TTC6: variants seen among roughly 807,000 people sequenced by gnomAD.
The protein encoded by TTC6 is tetratricopeptide repeat protein 6.
In TTC6, 172 loss-of-function variants were observed where a neutral mutation model predicts 210.4. The ratio of observed to expected loss-of-function variants is 0.82; its 90% CI spans 0.72 to 0.93. TTC6 has a LOEUF of 0.93. TTC6 is among the 40% of genes least tolerant of loss of function. The pLI, the probability that TTC6 is intolerant of heterozygous loss-of-function variation, is 0.00. For synonymous variants in TTC6, 804 were observed against 819.6 expected (o/e 0.98, Z 0.32); for missense variants, 2,414 against 2,318.1 (o/e 1.04, Z -0.85).
chr14:37,815,398 G>A (rs531430634), intron 25 of TTC6, among the ~76,000 whole-genome samples: 5 of 152,196 alleles, frequency 3.3e-5, no homozygotes, highest in African/African-American at 1.2e-4. Flanking sequence ...TCCGATCATG[G>A]GGCACTGGAT....
intron 14 of TTC6, among the ~76,000 whole-genome samples, chr14:37,777,062 T>C (rs890385889): frequency 1.3e-5 from 2 of 152,186 alleles, no homozygotes; most frequent in African/African-American, 4.8e-5. Context: ...GAGAATCTGA[T>C]GACTATGTGT....
exon 28 of TTC6, chr14:37,826,317 T>G: frequency 6.2e-7 from 1 of 1,609,612 alleles, no homozygotes; most frequent in Non-Finnish European, 8.5e-7. Context: ...ATAATTTTGC[T>G]GCAATGCAGG....
intron 1 of TTC6, 40 bp downstream of exon 3, chr14:37,623,043 CA>C: frequency 1.5e-6 from 2 of 1,376,270 alleles, no homozygotes; most frequent in Non-Finnish European, 1.9e-6. Flanking sequence ...TTCCCAAATG[CA>C]ATTTGGGTTA....
chr14:37,734,215 CAG>C (rs2095895386), intron 7 of TTC6, among the ~76,000 whole-genome samples: 1 of 152,126 alleles, frequency 6.6e-6, no homozygotes, highest in South Asian at 2.1e-4. Flanking sequence ...TGATAGAACC[CAG>C]ACTAAAAGTC....
chr14:37,722,534 G>T (rs1167798046), intron 6 of TTC6, among the ~76,000 whole-genome samples: 1 of 152,036 alleles, frequency 6.6e-6, no homozygotes, highest in East Asian at 1.9e-4. Flanking sequence ...TTTTTTGTAG[G>T]GTCTTACTAT....
intron 1 of TTC6, among the ~76,000 whole-genome samples, chr14:37,632,104 A>G (rs1430012431): frequency 1.3e-5 from 2 of 152,070 alleles, no homozygotes; most frequent in Non-Finnish European, 2.9e-5. Context: ...CACTTTCTGA[A>G]GCCTACTTCT....
intron 27 of TTC6, among the ~76,000 whole-genome samples, chr14:37,824,534 C>T (rs2096165812): frequency 6.6e-6 from 1 of 152,166 alleles, no homozygotes; most frequent in African/African-American, 2.4e-5. Flanking sequence ...AGAACGGAAA[C>T]TGCTCTAGGC....
chr14:37,831,664 C>T (rs539166476), intron 29 of TTC6, among the ~76,000 whole-genome samples: 1 of 151,518 alleles, frequency 6.6e-6, no homozygotes, highest in Non-Finnish European at 1.5e-5. Context: ...GAGATAATAC[C>T]TTATTGTGGT....
intron 2 of TTC6, among the ~76,000 whole-genome samples, chr14:37,608,311 T>C (rs1369056577): frequency 6.6e-6 from 1 of 152,102 alleles, no homozygotes; most frequent in East Asian, 1.9e-4. Context: ...TGTGTGTTTT[T>C]GTTGTTGTTG....
intron 7 of TTC6, among the ~76,000 whole-genome samples, chr14:37,734,975 T>A (rs1314218275): frequency 1.3e-5 from 2 of 152,186 alleles, no homozygotes; most frequent in Non-Finnish European, 2.9e-5. Context: ...TGTAAGCATA[T>A]GACAAAATGG....
rs73264929 is a variant in TTC6, at chr14:37,599,666, A to G, written c.-235+3658A>G. The stretch of plus-strand genomic sequence containing the variant: ...GGGCGACAAAACCGTCCCTCTGGCC[A>G]CGGGAGAGCATCGCCTTGCCAAAAT... On this transcript the variant is annotated intron_variant, in intron 1 of 2. Transcript: ENST00000556845. Among the ~76,000 whole-genome samples, 596 of 152,236 alleles carry G rather than the reference A, an allele frequency of 3.9e-3. 4 individuals are homozygous for G. Among genetic ancestry groups the G allele is most frequent in the African/African-American group, 0.013 (543 of 41,564 alleles).
intron 7 of TTC6, among the ~76,000 whole-genome samples, chr14:37,730,717 T>C (rs758464137): frequency 1.3e-5 from 2 of 152,234 alleles, no homozygotes; most frequent in Non-Finnish European, 2.9e-5. Context: ...GCCTCTTGCA[T>C]TCCAATTTGA....
At chr14:37,808,084 G>A (rs2096122399) in intron 23 of TTC6, among the ~76,000 whole-genome samples, 1 of 152,000 alleles carries the variant, frequency 6.6e-6, no homozygotes. Flanking sequence ...GAAGTTACTG[G>A]GTTAAAAGGT....
rs115907484 is a variant in TTC6 at position 37,780,415 on chromosome 14, G to T, written c.3267-7053G>T. Among the ~76,000 whole-genome samples, 391 of 152,132 alleles carry T rather than the reference G, an allele frequency of 2.6e-3. 2 individuals carry two copies. The highest frequency in any genetic ancestry group is 9.0e-3 in the African/African-American group (372 of 41,502). On this transcript the variant is annotated intron_variant, in intron 14 of 30. Transcript: ENST00000553443. Reference sequence around the variant, plus strand: ...CTATCCCTCCCCTCACCCCTCTTCTGACAGGCCCCAGTGTGTGTTGTTCCC... The same window carrying T: ...CTATCCCTCCCCTCACCCCTCTTCTTACAGGCCCCAGTGTGTGTTGTTCCC...
At chr14:37,770,066 T>C (rs2096012938) in intron 14 of TTC6, among the ~76,000 whole-genome samples, 1 of 152,290 alleles carries the variant, frequency 6.6e-6, no homozygotes, top group African/African-American at 2.4e-5. Context: ...ATGTACCCAG[T>C]AGTCGTTCAG....
chr14:37,659,732 G>C (rs989379111), intron 1 of TTC6, among the ~76,000 whole-genome samples: 1 of 152,110 alleles, frequency 6.6e-6, no homozygotes, highest in Non-Finnish European at 1.5e-5. Context: ...TGTGGGTCAG[G>C]CTGGTCTCGA....
chr14:37,824,740 T>G (rs1014757514), intron 27 of TTC6, among the ~76,000 whole-genome samples: 3 of 152,004 alleles, frequency 2.0e-5, no homozygotes, highest in African/African-American at 7.2e-5. Context: ...TGAGAGAAAG[T>G]TTTTTGAGAA....
intron 1 of TTC6, among the ~76,000 whole-genome samples, chr14:37,601,769 G>A (rs968350): frequency 0.62 from 94,122 of 152,042 alleles, 30,348 homozygotes; most frequent in East Asian, 0.86. Flanking sequence ...GCACCTGGAC[G>A]TGGGCAGAAT....
chr14:37,836,116 C>T (rs571093185), intron 29 of TTC6, among the ~76,000 whole-genome samples: 136 of 152,268 alleles, frequency 8.9e-4, no homozygotes, highest in African/African-American at 3.2e-3. Flanking sequence ...TATCCTCAGC[C>T]GAGCTTTCTT....
Sources: allele counts gnomAD v4.1 joint callset (sites outside exome capture counted in the v4.1 genomes callset), GRCh38; gene constraint gnomAD v4.1.1; transcripts MANE v1.5; gene names NCBI Gene and HGNC (gene_info 2026-07-23, HGNC 2026-07-21).